ARHGAP23: variants seen among roughly 807,000 people sequenced by gnomAD.
The protein encoded by ARHGAP23 is rho GTPase-activating protein 23.
Under a neutral mutation model 136.3 loss-of-function variants are expected in ARHGAP23, and 34 were observed. The ratio of observed to expected loss-of-function variants is 0.25; its 90% CI spans 0.19 to 0.33. The LOEUF is 0.33. Ranked by LOEUF, ARHGAP23 falls within the 10% of genes least tolerant of loss-of-function variation. The pLI is 1.00. For synonymous variants in ARHGAP23, 832 were observed against 920.5 expected (o/e 0.90, Z 1.74); for missense variants, 1,808 against 2,139.0 (o/e 0.85, Z 3.05).
rs759084962 is a variant in ARHGAP23 at position 38,497,829 on chromosome 17, A to G, written c.3318+3A>G. 5.2e-6 allele frequency: 8 copies of G among 1,551,120 alleles called. No homozygotes were observed. The African/African-American group carries it at 9.6e-5, about 19-fold the overall frequency. On this transcript the variant is annotated splice_donor_region_variant and intron_variant, in intron 21 of 23. Transcript: ENST00000622683. ...ACGAAGAGGACAAGGGAGAGAGAGT[A>G]AGTGATGCCGCGGGCTGGGCTGGCA...
chr17:38,469,951 G>T, intron 10 of ARHGAP23, 47 bp downstream of exon 10: 1 of 1,545,914 alleles, frequency 6.5e-7, no homozygotes, highest in East Asian at 2.5e-5. Context: ...AGGGTGTGGG[G>T]AGAGAGGGTG....
chr17:38,427,200 C>T (rs945780219), upstream of ARHGAP23, among the ~76,000 whole-genome samples: 7 of 152,186 alleles, frequency 4.6e-5, no homozygotes, highest in South Asian at 2.1e-4. Context: ...TGGTGGCTCA[C>T]GCCTATAATC....
chr17:38,451,279 G>A (rs533929921), intron 1 of ARHGAP23: 8 of 152,548 alleles, frequency 5.2e-5, no homozygotes, highest in African/African-American at 1.4e-4. Context: ...GAAGGAAGGT[G>A]TGGTTTGTGT....
chr17:38,421,375 T>C (rs1409438758), intron 1 of ARHGAP23, among the ~76,000 whole-genome samples: 1 of 152,192 alleles, frequency 6.6e-6, no homozygotes, highest in Non-Finnish European at 1.5e-5. Flanking sequence ...AGACATGGAC[T>C]CTGATGATCG....
upstream of ARHGAP23, among the ~76,000 whole-genome samples, chr17:38,425,343 C>T (rs1007191592): frequency 2.6e-5 from 4 of 152,230 alleles, no homozygotes; most frequent in Admixed American, 6.5e-5. Context: ...CCCACTCTCC[C>T]CTGCCCCATC....
chr17:38,503,741 A>G (rs2040570129), intron 23 of ARHGAP23, among the ~76,000 whole-genome samples: 1 of 151,820 alleles, frequency 6.6e-6, no homozygotes, highest in Non-Finnish European at 1.5e-5. Flanking sequence ...TAACCTGGGA[A>G]CTCCTGCAGG....
At position 38,509,970 on chromosome 17, in the gene ARHGAP23, G is replaced by C; in HGVS notation, c.3474G>C (p.Pro1158=). The C allele has an allele frequency of 4.8e-6, 6 of 1,250,436 alleles. No individual in the cohort carries two copies. Among genetic ancestry groups the C allele is most frequent in the Admixed American group, 4.2e-5 (1 of 23,760 alleles). The allele number at this position is 1,250,436 out of a possible 1,614,324, so 77.5% of individuals were successfully genotyped here. ...SKGSWAPKKE[P]YAREMLAISF... Reference sequence around the variant, plus strand: ...GTTCGTGGGCCCCCAAGAAGGAGCCGTACGCCCGGGAGATGCTGGCGATCT... The same window carrying C: ...GTTCGTGGGCCCCCAAGAAGGAGCCCTACGCCCGGGAGATGCTGGCGATCT... The change falls in exon 24 of 24, where the codon CCG becomes CCC. Residue 1158 remains proline (P), a synonymous_variant. Coordinates refer to ENST00000622683, the MANE Select transcript of ARHGAP23 (RefSeq NM_001199417.2).
intron 3 of ARHGAP23, 49 bp downstream of exon 3, chr17:38,460,981 G>A (rs1007916926): frequency 2.0e-6 from 3 of 1,531,796 alleles, no homozygotes; most frequent in Non-Finnish European, 2.6e-6. Context: ...TCCTCTTCCA[G>A]CTCCTGTCTC....
At chr17:38,421,082 G>A (rs765650676) in intron 1 of ARHGAP23, among the ~76,000 whole-genome samples, 5 of 152,146 alleles carry the variant, frequency 3.3e-5, no homozygotes, top group African/African-American at 4.8e-5. Context: ...ACTGTTCTGG[G>A]GATCAGCCGC....
At chr17:38,509,864 T>TG (rs1244596239) in intron 23 of ARHGAP23, 80 bp from the exon 24 acceptor site, 3 of 1,115,342 alleles carry the variant, frequency 2.7e-6, no homozygotes, top group Non-Finnish European at 2.3e-6. Flanking sequence ...TGCCGTGACG[T>TG]GGGGGTGGAC....
At chr17:38,456,855 G>A (rs1015150027) in intron 1 of ARHGAP23, among the ~76,000 whole-genome samples, 7 of 152,012 alleles carry the variant, frequency 4.6e-5, no homozygotes, top group Non-Finnish European at 8.8e-5. Context: ...CATCATCTTG[G>A]AGAATCCTGA....
chr17:38,489,425 C>T (rs116959972), intron 17 of ARHGAP23, among the ~76,000 whole-genome samples: 11,755 of 147,868 alleles, frequency 0.079, 590 homozygotes, highest in Middle Eastern at 0.12. Context: ...ATCCTTCCCC[C>T]CGATTGGAAG....
intron 1 of ARHGAP23, among the ~76,000 whole-genome samples, chr17:38,436,566 G>C (rs562485074): frequency 1.3e-5 from 2 of 152,206 alleles, no homozygotes; most frequent in Non-Finnish European, 2.9e-5. Context: ...CTCGTGCTCT[G>C]CGTTCCAGGC....
upstream of ARHGAP23, among the ~76,000 whole-genome samples, chr17:38,427,974 C>T (rs1050691015): frequency 6.6e-6 from 1 of 152,138 alleles, no homozygotes; most frequent in African/African-American, 2.4e-5. Flanking sequence ...TTGTTTCTGA[C>T]TTTCTCTGCC....
rs1275669621 is a variant in ARHGAP23 at position 38,482,013 on chromosome 17, C to T, written c.2630-9C>T. 1.1e-5 allele frequency: 17 copies of T among 1,522,760 alleles called. No individual in the cohort carries two copies. The highest frequency in any genetic ancestry group is 1.4e-5 in the Non-Finnish European group (16 of 1,136,086). The allele number at this position is 1,522,760 out of a possible 1,614,324, so 94.3% of individuals were successfully genotyped here. ...CCAGCTCACTCTGGCTCTGTCTCCCCCACTTCAGATGACAGTGCTGCAGCC... is the reference window on the plus strand; with the variant it reads ...CCAGCTCACTCTGGCTCTGTCTCCCTCACTTCAGATGACAGTGCTGCAGCC... On this transcript the variant is annotated splice_polypyrimidine_tract_variant and intron_variant, in intron 14 of 23. Transcript: ENST00000622683.
At chr17:38,453,422 C>CGTGT (rs1161809844) in intron 1 of ARHGAP23, among the ~76,000 whole-genome samples, 1,282 of 116,572 alleles carry the variant, frequency 0.011, 6 homozygotes, top group East Asian at 0.027. Context: ...CGTATGCGTG[C>CGTGT]GTGTGTGTGT....
rs1351966539 is a variant in ARHGAP23 at position 38,466,844 on chromosome 17, C to T, written c.1161C>T (p.Ala387=). The T allele has an allele frequency of 6.5e-7, 1 of 1,548,828 alleles. No individual in the cohort carries two copies. The highest frequency in any genetic ancestry group is 2.4e-5 in the East Asian group (1 of 40,902). The change falls in exon 7 of 24, where the codon GCC becomes GCT. Residue 387 remains alanine, a synonymous_variant. Transcript: ENST00000622683. ...RCGWASQRSS[A]RTPACPTRDL... Reference sequence around the variant, plus strand: ...GCTGGGCTTCCCAGCGTTCGTCTGCCCGCACCCCCGCCTGCCCAACTCGGG... The same window carrying T: ...GCTGGGCTTCCCAGCGTTCGTCTGCTCGCACCCCCGCCTGCCCAACTCGGG...
intron 1 of ARHGAP23, among the ~76,000 whole-genome samples, chr17:38,440,475 C>T (rs1002498709): frequency 1.3e-5 from 2 of 152,250 alleles, no homozygotes; most frequent in African/African-American, 4.8e-5. Context: ...ATGCCAGGCA[C>T]TCAATGCTGA....
At chr17:38,482,217 A>T in intron 15 of ARHGAP23, 74 bp downstream of exon 15, 1 of 1,522,460 alleles carries the variant, frequency 6.6e-7, no homozygotes, top group East Asian at 2.5e-5. Context: ...GCAGCAAGGG[A>T]CATGGAACCA....
Sources: allele counts gnomAD v4.1 joint callset (sites outside exome capture counted in the v4.1 genomes callset), GRCh38; gene constraint gnomAD v4.1.1; transcripts MANE v1.5; gene names NCBI Gene and HGNC (gene_info 2026-07-23, HGNC 2026-07-21).